The following PIGT variants were observed in gnomAD, a reference collection of about 807,000 sequenced individuals.
PIGT encodes the protein GPI-anchor transamidase component PIGT.
In PIGT, 57 loss-of-function variants were observed where a neutral mutation model predicts 66.7. The ratio of observed to expected loss-of-function variants is 0.86; its 90% CI spans 0.69 to 1.07. The LOEUF (loss-of-function observed/expected upper bound fraction) is 1.07. Ranked by LOEUF, PIGT falls within the 50% of genes least tolerant of loss-of-function variation. PIGT has a pLI of 0.00. For missense variants in PIGT, 725 were observed against 740.4 expected (o/e 0.98, Z 0.24); for synonymous variants, 362 against 320.5 (o/e 1.13, Z -1.38).
Position 45,420,367 on chromosome 20 carries a change from A to AC in PIGT, c.806dup (p.Glu270GlyfsTer50), listed in dbSNP as rs768495541. On this transcript the variant is annotated frameshift_variant, in exon 7 of 12. Transcript: ENST00000279036. LOFTEE classifies it high-confidence loss of function. ...CTTCCGGATGTTCTCCCGAACCCTC[A>AC]CGGAGCCCTGCCCCCTGGCTTCAGA... The AC allele has an allele frequency of 3.1e-6, 5 of 1,613,572 alleles. No homozygotes were observed. Among genetic ancestry groups the AC allele is most frequent in the Non-Finnish European group, 4.2e-6 (5 of 1,179,880 alleles).
In PIGT at chr20:45,416,182, T is replaced by A; in HGVS notation, c.26T>A (p.Leu9Gln). 6.3e-7 allele frequency: 1 copy of A among 1,582,794 alleles called. No homozygotes were observed. Among genetic ancestry groups the A allele is most frequent in the Non-Finnish European group, 8.6e-7 (1 of 1,165,908 alleles). ...ATGGCGGCGGCTATGCCGCTTGCTC[T>A]GCTCGTCCTGTTGCTCCTGGGGCCC... MAAAMPLA[L>Q]LVLLLLGPGG... Residue 9 changes from leucine (L) to glutamine (Q), a missense_variant, in exon 1 of 12, where the codon CTG becomes CAG. By Grantham distance (113) the Leu-to-Gln change is moderately radical. Transcript: ENST00000279036.
chr20:45,421,131 G>A (rs944521647), intron 8 of PIGT: 1 of 558,826 alleles, frequency 1.8e-6, no homozygotes, highest in Middle Eastern at 4.7e-4. Flanking sequence ...TATCCTGAGA[G>A]GACCTGGATT....
At chr20:45,423,054 A>ATT (rs1349874346) in intron 9 of PIGT, 1,270 of 99,872 alleles carry the variant, frequency 0.013, 55 homozygotes, top group East Asian at 0.075. Flanking sequence ...ATACAAAAAA[A>ATT]ATTTTTTTTT....
At chr20:45,425,470 C>A in intron 11 of PIGT, 104 bp from the exon 12 acceptor site, 1 of 1,198,688 alleles carries the variant, frequency 8.3e-7, no homozygotes, top group Non-Finnish European at 1.1e-6. Flanking sequence ...CCTAAGAGAA[C>A]ATTGGAAACA....
rs778543062 is a variant in PIGT at position 45,424,260 on chromosome 20, C to T, written c.1279C>T (p.Leu427Phe). 6.8e-6 allele frequency: 11 copies of T among 1,614,048 alleles called. No individual in the cohort carries two copies. The Admixed American group carries it at 1.8e-4, about 27-fold the overall frequency. ...QPAQDRLQPHLLEMLIQLPAN... is the reference protein window; with the variant it reads ...QPAQDRLQPHFLEMLIQLPAN... ...TGCCCAGGACCGGCTGCAACCCCAC[C>T]TCCTGGAGATGCTGATTCAGCTGCC... The change falls in exon 10 of 12, where the codon CTC becomes TTC. Residue 427 changes from leucine to phenylalanine, a missense_variant. By Grantham distance (22) the Leu-to-Phe change is conservative. Coordinates refer to ENST00000279036, the MANE Select transcript of PIGT (RefSeq NM_015937.6).
rs1990213872 is a variant in PIGT, at chr20:45,419,514, C to G, written c.605C>G (p.Ser202Cys). The change falls in exon 5 of 12, where the codon TCT becomes TGT. Residue 202 changes from serine (S) to cysteine (C), a missense_variant. By Grantham distance (112) the Ser-to-Cys change is moderately radical. This residue lies in a region of PIGT where 559 missense variants were observed against 552.7 expected (regional missense o/e 1.01). Coordinates refer to ENST00000279036, the MANE Select transcript of PIGT (RefSeq NM_015937.6). Reference sequence around the variant, plus strand: ...TTCCATCTCCTCCAGGCAGGCCTCTCTGTGCTGCTGAAGGCAGATCGCTTG... The same window carrying G: ...TTCCATCTCCTCCAGGCAGGCCTCTGTGTGCTGCTGAAGGCAGATCGCTTG... ...LLPCSSKAGL[S>C]VLLKADRLFH... 1 of 1,614,222 alleles carries G rather than the reference C, an allele frequency of 6.2e-7. No individual in the cohort carries two copies. Among genetic ancestry groups the G allele is most frequent in the East Asian group, 2.2e-5 (1 of 44,886 alleles).
intron 8 of PIGT, 22 bp from the exon 9 acceptor site, chr20:45,421,361 C>A: frequency 6.2e-7 from 1 of 1,601,346 alleles, no homozygotes; most frequent in Non-Finnish European, 8.5e-7. Flanking sequence ...CAGCTGTTAA[C>A]TGTTGATATT....
rs73907948 is a variant in PIGT at position 45,416,970 on chromosome 20, G to A, written c.365+276G>A. 0.014 allele frequency: 4,401 copies of A among 320,378 alleles called. 166 individuals are homozygous for A. Among genetic ancestry groups the A allele is most frequent in the African/African-American group, 0.087 (4,034 of 46,458 alleles). The allele number at this position is 320,378 out of a possible 1,614,324, so 19.8% of individuals were successfully genotyped here. A position where few individuals can be genotyped will look rare whatever the true frequency, so the allele number is the denominator to read the frequency against. On this transcript the variant is annotated intron_variant, in intron 2 of 11. Coordinates refer to ENST00000279036, the MANE Select transcript of PIGT (RefSeq NM_015937.6). ...GTAAGGCAGTAGAAAACTGGCAACT[G>A]GATAACCTTTTAAAAGGCATTCATT... is the stretch of plus-strand genomic sequence containing the variant.
chr20:45,419,047 C>T, intron 3 of PIGT, 68 bp downstream of exon 3: 1 of 1,593,348 alleles, frequency 6.3e-7, no homozygotes. Context: ...CCTCCTTTTC[C>T]CTCAGTTTCC....
chr20:45,425,156 TTTCTTTC>T (rs1462584158), intron 11 of PIGT: 1 of 113,894 alleles, frequency 8.8e-6, no homozygotes, highest in African/African-American at 3.5e-5. Flanking sequence ...TCTTTCTTTC[TTTCTTTC>T]TTTCTTTCTT....
chr20:45,420,457 A>G (rs915458439), intron 7 of PIGT, 28 bp downstream of exon 7: 5 of 1,609,156 alleles, frequency 3.1e-6, no homozygotes, highest in Non-Finnish European at 4.2e-6. Context: ...CACACACACA[A>G]ACACACCGCT....
rs1010610056 is a variant in PIGT, at chr20:45,420,224, GTAAGTTA to G, written c.769+2_769+8del. 8 of 1,609,352 alleles carry G rather than the reference GTAAGTTA, an allele frequency of 5.0e-6. No homozygotes were observed. Among genetic ancestry groups the G allele is most frequent in the Non-Finnish European group, 6.8e-6 (8 of 1,177,420 alleles). On this transcript the variant is annotated splice_donor_variant and splice_donor_5th_base_variant and intron_variant, in intron 6 of 11. Coordinates refer to ENST00000279036, the MANE Select transcript of PIGT (RefSeq NM_015937.6). LOFTEE classifies it high-confidence loss of function. ...TTCATCACGGGGCAGGGAAAGAAAG[GTAAGTTA>G]CCTTGGCAACTCATCTGTACCCACC...
rs781001584 is a variant in PIGT at position 45,419,402 on chromosome 20, C to A, written c.594+7C>A. 1.2e-6 allele frequency: 2 copies of A among 1,607,910 alleles called. No individual in the cohort carries two copies. Among genetic ancestry groups the A allele is most frequent in the South Asian group, 2.2e-5 (2 of 90,668 alleles). On this transcript the variant is annotated splice_region_variant and intron_variant, in intron 4 of 11. Coordinates refer to ENST00000279036, the MANE Select transcript of PIGT (RefSeq NM_015937.6). ...CTTGCCCTGTAGTTCCAAGGTGAGG[C>A]CGCAGAGCCTGGCAGCCGGGGGCGG...
intron 2 of PIGT, chr20:45,418,191 A>G (rs191659867): frequency 2.6e-5 from 4 of 154,250 alleles, no homozygotes; most frequent in African/African-American, 9.6e-5. Flanking sequence ...ACTTCTCACC[A>G]TGATAGTAGA....
At position 45,416,167 on chromosome 20, in the gene PIGT, CT is replaced by C; in HGVS notation, c.12del (p.Met5CysfsTer40). On this transcript the variant is annotated frameshift_variant, in exon 1 of 12. Coordinates refer to ENST00000279036, the MANE Select transcript of PIGT (RefSeq NM_015937.6). LOFTEE classifies it high-confidence loss of function. ...GAAGTAGCCGCAGGCATGGCGGCGG[CT>C]ATGCCGCTTGCTCTGCTCGTCCTGT... MAA[A>X]MPLALLVLLL... 1 of 1,567,632 alleles carries C rather than the reference CT, an allele frequency of 6.4e-7. No individual in the cohort carries two copies. Among genetic ancestry groups the C allele is most frequent in the Non-Finnish European group, 8.6e-7 (1 of 1,158,536 alleles).
At chr20:45,423,910 G>C (rs548687815) in intron 9 of PIGT, 11 of 368,206 alleles carry the variant, frequency 3.0e-5, no homozygotes, top group Non-Finnish European at 5.6e-5. Flanking sequence ...AGGTGGTTCT[G>C]TGAACTTCTT....
chr20:45,424,258 A>G lies in PIGT; in HGVS notation c.1277A>G (p.His426Arg). 6.2e-7 allele frequency: 1 copy of G among 1,613,818 alleles called. No individual in the cohort carries two copies. The highest frequency in any genetic ancestry group is 1.7e-5 in the Admixed American group (1 of 59,998). ...YQPAQDRLQP[H>R]LLEMLIQLPA... Reference sequence around the variant, plus strand: ...CCTGCCCAGGACCGGCTGCAACCCCACCTCCTGGAGATGCTGATTCAGCTG... The same window carrying G: ...CCTGCCCAGGACCGGCTGCAACCCCGCCTCCTGGAGATGCTGATTCAGCTG... The change falls in exon 10 of 12, where the codon CAC becomes CGC. Residue 426 changes from histidine to arginine, a missense_variant. His to Arg is a conservative substitution (Grantham distance 29). Coordinates refer to ENST00000279036, the MANE Select transcript of PIGT (RefSeq NM_015937.6).
chr20:45,424,052 C>T, intron 9 of PIGT, 164 bp from the exon 10 acceptor site: 1 of 634,192 alleles, frequency 1.6e-6, no homozygotes, highest in Non-Finnish European at 2.8e-6. Flanking sequence ...AACATCCTCT[C>T]CCTTTTCTTA....
Position 45,426,049 on chromosome 20 carries a change from C to T in PIGT, c.*223C>T, listed in dbSNP as rs1600829118. The stretch of plus-strand genomic sequence containing the variant: ...TCATTTCCTCACCTGTAGTGGCCAC[C>T]TCTATATTGAGGTGCTCAATAAGCA... On this transcript the variant is annotated 3_prime_UTR_variant, in exon 12 of 12. Transcript: ENST00000279036. 5.0e-6 allele frequency: 3 copies of T among 598,638 alleles called. No homozygotes were observed. Among genetic ancestry groups the T allele is most frequent in the East Asian group, 5.6e-5 (2 of 35,552 alleles). 37.1% of individuals were successfully genotyped at this position (598,638 alleles called of 1,614,324 possible). A position where few individuals can be genotyped will look rare whatever the true frequency, so the allele number is the denominator to read the frequency against.
Sources: allele counts gnomAD v4.1 joint callset, GRCh38; gene constraint gnomAD v4.1.1; regional missense constraint gnomAD v4.1.1; transcripts MANE v1.5; gene names NCBI Gene and HGNC (gene_info 2026-07-23, HGNC 2026-07-21).